FOXP2: variants seen among roughly 807,000 people sequenced by gnomAD.
FOXP2 encodes forkhead box protein P2.
In FOXP2, 12 loss-of-function variants were observed where a neutral mutation model predicts 115.8. The observed-to-expected ratio is 0.10, with a 90% CI of 0.07 to 0.17. FOXP2 has a LOEUF of 0.17. Ranked by LOEUF, FOXP2 falls within the 10% of genes least tolerant of loss-of-function variation. The pLI is 1.00. For synonymous variants in FOXP2, 328 were observed against 297.7 expected, an observed-to-expected ratio of 1.10 and a Z score of -1.05; for missense variants, 629 against 843.5, an observed-to-expected ratio of 0.75 and a Z score of 3.15.
intron 5 of FOXP2, among the ~76,000 whole-genome samples, 161 bp from the exon 6 acceptor site, chr7:114,631,367 T>C (rs1804911366): frequency 6.6e-6 from 1 of 152,204 alleles, no homozygotes; most frequent in Non-Finnish European, 1.5e-5. Flanking sequence ...GAAAGGCAAC[T>C]GAAAATCTAG....
At chr7:114,598,015 G>A (rs752341716) in intron 3 of FOXP2, among the ~76,000 whole-genome samples, 1 of 152,010 alleles carries the variant, frequency 6.6e-6, no homozygotes, top group African/African-American at 2.4e-5. Context: ...TTATATCCCT[G>A]ATACTTTGCC....
At position 114,380,143 on chromosome 7, in the gene FOXP2, G is replaced by A. The variant is rs139936187; in HGVS notation, c.-10-46359G>A. 4.7e-3 allele frequency among the ~76,000 whole-genome samples: 722 copies of A among 152,148 alleles called. 2 individuals carry two copies. Among genetic ancestry groups the A allele is most frequent in the South Asian group, 0.015 (74 of 4,810 alleles). On this transcript the variant is annotated intron_variant, in intron 2 of 17. Coordinates refer to the FOXP2 transcript ENST00000634411. ...CTTTCCTTTCCTTTCTGATGACCCC[G>A]GCAGTGTAAGACTGCCACCTCTTTA...
At chr7:114,340,913 C>T (rs1562878125) in intron 2 of FOXP2, among the ~76,000 whole-genome samples, 1 of 150,976 alleles carries the variant, frequency 6.6e-6, no homozygotes, top group Non-Finnish European at 1.5e-5. Context: ...TACATATTTT[C>T]ATTTTAATTA....
At chr7:114,137,340 C>G (rs192149413) in intron 1 of FOXP2, among the ~76,000 whole-genome samples, 24 of 152,188 alleles carry the variant, frequency 1.6e-4, no homozygotes, top group Admixed American at 1.3e-3. Flanking sequence ...AAGTTAGTTT[C>G]TGGAGGTTAC....
intron 2 of FOXP2, among the ~76,000 whole-genome samples, chr7:114,466,201 G>A (rs1795791893): frequency 6.6e-6 from 1 of 152,094 alleles, no homozygotes; most frequent in African/African-American, 2.4e-5. Context: ...AATTTTGCTA[G>A]AGACCCATCA....
chr7:114,626,710 C>T (rs977047353), intron 3 of FOXP2, among the ~76,000 whole-genome samples: 6 of 151,254 alleles, frequency 4.0e-5, no homozygotes, highest in African/African-American at 7.3e-5. Context: ...AATGATTGTT[C>T]GAAGAAAAGA....
At chr7:114,539,346 T>C (rs976517004) in intron 3 of FOXP2, among the ~76,000 whole-genome samples, 1 of 151,956 alleles carries the variant, frequency 6.6e-6, no homozygotes, top group Non-Finnish European at 1.5e-5. Context: ...ATATTACTTT[T>C]AAATATAATG....
rs1348548231 is a variant in FOXP2, at chr7:114,658,202, G to A, written c.1403G>A (p.Ser468Asn). Residue 468 changes from serine (S) to asparagine (N), a missense_variant, in exon 11 of 17, where the codon AGT (serine) becomes AAT (asparagine). This residue lies in a region of FOXP2 where 101 missense variants were observed against 116.0 expected (regional missense o/e 0.87). Transcript: ENST00000350908. ...GGACCCTCAGTAATCACCCCAGCCA[G>A]TGTGCCCAATGTGGGAGCCATACGA... is the stretch of plus-strand genomic sequence containing the variant. ...TQGPSVITPA[S>N]VPNVGAIRRR... is the part of the protein sequence containing the mutation. 3 of 1,613,794 alleles carry A rather than the reference G, an allele frequency of 1.9e-6. No homozygotes were observed. Among genetic ancestry groups the A allele is most frequent in the Non-Finnish European group, 2.5e-6 (3 of 1,179,854 alleles).
At chr7:114,250,408 A>C (rs534473400) in intron 1 of FOXP2, among the ~76,000 whole-genome samples, 1 of 152,276 alleles carries the variant, frequency 6.6e-6, no homozygotes, top group East Asian at 1.9e-4. Context: ...TTACAGTCCC[A>C]CCAGCAGTAT....
intron 1 of FOXP2, among the ~76,000 whole-genome samples, chr7:114,163,300 TA>T (rs1242389467): frequency 6.6e-6 from 1 of 152,106 alleles, no homozygotes; most frequent in Non-Finnish European, 1.5e-5. Context: ...TAATGTAAAA[TA>T]GATTAATATT....
rs766696104 is a variant in FOXP2 at position 114,690,519 on chromosome 7, G to A, written c.*593G>A. The A allele has an allele frequency of 2.2e-6, 1 of 453,980 alleles. No homozygotes were observed. Among genetic ancestry groups the A allele is most frequent in the Non-Finnish European group, 4.4e-6 (1 of 226,750 alleles). 28.1% of individuals were successfully genotyped at this position (453,980 alleles called of 1,614,324 possible). A position where few individuals can be genotyped will look rare whatever the true frequency, so the allele number is the denominator to read the frequency against. On this transcript the variant is annotated 3_prime_UTR_variant, in exon 17 of 17. Coordinates refer to ENST00000350908, the MANE Select transcript of FOXP2 (RefSeq NM_014491.4). ...GTGCCACCAACTGTAAATGACATAA[G>A]TTAGTTATTACAAAACACAGTAATT...
chr7:114,264,313 T>TG lies in FOXP2; in HGVS notation c.-101-23706_-101-23705insG, dbSNP rs879501222. Among the ~76,000 whole-genome samples the TG allele has an allele frequency of 2.5e-3, 324 of 129,526 alleles. 2 individuals carry two copies. Among genetic ancestry groups the TG allele is most frequent in the Non-Finnish European group, 3.2e-3 (208 of 65,834 alleles). 85.0% of individuals were successfully genotyped at this position (129,526 alleles called of 152,430 possible). On this transcript the variant is annotated intron_variant, in intron 1 of 17. Transcript: ENST00000634411. Reference sequence around the variant, plus strand: ...TACAGGTCATTCACAAAAATAGAAGTTTTTTCATGGGGGGCAGGATTCTTA... The same window carrying TG: ...TACAGGTCATTCACAAAAATAGAAGTGTTTTTCATGGGGGGCAGGATTCTTA...
At chr7:114,455,941 T>C (rs375890418) in intron 2 of FOXP2, among the ~76,000 whole-genome samples, 1 of 152,178 alleles carries the variant, frequency 6.6e-6, no homozygotes, top group Non-Finnish European at 1.5e-5. Context: ...TTTTTGCATA[T>C]AGCACACCAT....
chr7:114,334,931 CTATATA>C lies in FOXP2; in HGVS notation c.-11+46845_-11+46850del, dbSNP rs144511332. On this transcript the variant is annotated intron_variant, in intron 2 of 17. Transcript: ENST00000634411. ...ATATATATTTTATATATATAGAAAT[CTATATA>C]TATATATATATATATATATATAGAA... 3.8e-3 allele frequency among the ~76,000 whole-genome samples: 449 copies of C among 119,316 alleles called. 1 individual carries two copies. The highest frequency in any genetic ancestry group is 5.3e-3 in the African/African-American group (177 of 33,188). 78.3% of individuals were successfully genotyped at this position (119,316 alleles called of 152,430 possible).
intron 3 of FOXP2, among the ~76,000 whole-genome samples, chr7:114,544,931 A>G (rs1195042115): frequency 6.6e-6 from 1 of 152,162 alleles, no homozygotes; most frequent in Non-Finnish European, 1.5e-5. Flanking sequence ...GAGGATGTTT[A>G]TACAATTCAT....
intron 2 of FOXP2, among the ~76,000 whole-genome samples, chr7:114,399,439 T>C (rs1792824598): frequency 6.6e-6 from 1 of 152,190 alleles, no homozygotes; most frequent in Non-Finnish European, 1.5e-5. Context: ...GTTTTTCTTA[T>C]TTTTCTGACT....
intron 2 of FOXP2, among the ~76,000 whole-genome samples, chr7:114,529,736 G>C (rs1411939227): frequency 6.6e-6 from 1 of 151,786 alleles, no homozygotes; most frequent in Non-Finnish European, 1.5e-5. Context: ...CACTCTGATA[G>C]ATTGCTATTT....
intron 1 of FOXP2, among the ~76,000 whole-genome samples, chr7:114,194,108 G>GA (rs1481884266): frequency 6.6e-6 from 1 of 151,626 alleles, no homozygotes; most frequent in Non-Finnish European, 1.5e-5. Flanking sequence ...AAAGAGGATG[G>GA]AAAAAAAATT....
chr7:114,654,544 A>G (rs1806466462), intron 10 of FOXP2, among the ~76,000 whole-genome samples: 1 of 152,178 alleles, frequency 6.6e-6, no homozygotes, highest in South Asian at 2.1e-4. Context: ...TACATTATAC[A>G]TAATGTTAAT....
Sources: gnomAD v4.1 joint callset for allele counts (sites outside exome capture counted in the v4.1 genomes callset) on GRCh38, gnomAD v4.1.1 for gene constraint, gnomAD v4.1.1 regional missense constraint, MANE v1.5 for transcripts, NCBI Gene and HGNC (gene_info 2026-07-23, HGNC 2026-07-21) for gene names.